The following DDIT4L variants were observed in gnomAD, a reference collection of about 807,000 sequenced individuals.
DDIT4L encodes the protein DNA damage inducible transcript 4 like.
In DDIT4L, 13 loss-of-function variants were observed where a neutral mutation model predicts 15.9. That is an observed-to-expected ratio of 0.82 (90% confidence interval 0.53 to 1.30). The LOEUF (loss-of-function observed/expected upper bound fraction) is 1.30, where lower values mean the gene tolerates loss of function less well. DDIT4L is among the 50% of genes most tolerant of loss of function. The pLI is 0.00. For missense variants in DDIT4L, 235 were observed against 224.8 expected (o/e 1.05, Z -0.29); for synonymous variants, 82 against 85.4 (o/e 0.96, Z 0.22).
chr4:100,189,594 T>C (rs1274745407), intron 2 of DDIT4L, among the ~76,000 whole-genome samples: 1 of 152,160 alleles, frequency 6.6e-6, no homozygotes, highest in East Asian at 1.9e-4. Flanking sequence ...ACAGGGTAAA[T>C]ACATTTGCTA....
chr4:100,188,230 A>C, intron 2 of DDIT4L, 63 bp from the exon 3 acceptor site: 2 of 1,498,488 alleles, frequency 1.3e-6, no homozygotes, highest in Non-Finnish European at 1.8e-6. Flanking sequence ...GAAAAAAAAC[A>C]CCAAGATATC....
rs1377644598 is a variant in DDIT4L at position 100,187,744 on chromosome 4, G to T, written c.515C>A (p.Ser172Ter). The T allele has an allele frequency of 6.2e-7, 1 of 1,612,134 alleles. No homozygotes were observed. The highest frequency in any genetic ancestry group is 1.7e-5 in the Admixed American group (1 of 59,450). Residue 172 changes from serine to a stop codon, truncating the protein, a stop_gained, in exon 3 of 3, where the codon TCA (serine) becomes TAA (stop). Coordinates refer to ENST00000273990, the MANE Select transcript of DDIT4L (RefSeq NM_145244.4). LOFTEE classifies it high-confidence loss of function. Reference sequence around the variant, plus strand: ...TTTTTTCTTAACAAGTCGAAATCCTGAGCTGAGGATCAGAGTTCTCCTGAA... The same window carrying T: ...TTTTTTCTTAACAAGTCGAAATCCTTAGCTGAGGATCAGAGTTCTCCTGAA... Reference protein sequence around the residue: ...SGFRRTLILSSGFRLVKKKLY... With the variant: ...SGFRRTLILS
chr4:100,188,248 G>T (rs1723456969), intron 2 of DDIT4L, 81 bp from the exon 3 acceptor site: 3 of 1,416,412 alleles, frequency 2.1e-6, no homozygotes, highest in Non-Finnish European at 2.9e-6. Context: ...ATCAACATTG[G>T]TTACCTCTAT....
chr4:100,188,884 A>C (rs1473482248), intron 2 of DDIT4L, among the ~76,000 whole-genome samples: 1 of 152,246 alleles, frequency 6.6e-6, no homozygotes, highest in East Asian at 1.9e-4. Flanking sequence ...AGCAAAACAA[A>C]ATAGTCCTAG....
rs1403449083 is a variant in DDIT4L at position 100,189,896 on chromosome 4, T to C, written c.88A>G (p.Ser30Gly). ...DCGYHPESLL[S>G]DFDYWDYVVP... is the part of the protein sequence containing the mutation. ...GGTGGACAGCGGGGACACTCACCAC[T>C]TAGCAGGCTCTCTGGGTGATAGCCA... Residue 30 changes from serine (S) to glycine (G), a missense_variant, in exon 2 of 3, where the codon AGT becomes GGT. Transcript: ENST00000273990. 6.2e-7 allele frequency: 1 copy of C among 1,614,036 alleles called. No homozygotes were observed. Among genetic ancestry groups the C allele is most frequent in the Admixed American group, 1.7e-5 (1 of 59,998 alleles).
At chr4:100,189,005 T>A (rs946753732) in intron 2 of DDIT4L, among the ~76,000 whole-genome samples, 1 of 152,220 alleles carries the variant, frequency 6.6e-6, no homozygotes, top group African/African-American at 2.4e-5. Flanking sequence ...CGGAGTCAAA[T>A]GAACAAGGTG....
At chr4:100,188,654 G>A (rs1723463673) in intron 2 of DDIT4L, among the ~76,000 whole-genome samples, 2 of 152,128 alleles carry the variant, frequency 1.3e-5, no homozygotes, top group African/African-American at 4.8e-5. Context: ...AGGAATACAT[G>A]TATTGTAAAA....
intron 2 of DDIT4L, 118 bp from the exon 3 acceptor site, chr4:100,188,285 T>C (rs1048144201): frequency 8.8e-7 from 1 of 1,135,336 alleles, no homozygotes; most frequent in Non-Finnish European, 1.2e-6. Flanking sequence ...TTTCTTGTAT[T>C]TGTTTCAGAG....
rs1449453987 is a variant in DDIT4L, at chr4:100,187,132, C to T, written c.*545G>A. The T allele has an allele frequency of 6.6e-6, 1 of 152,132 alleles. No homozygotes were observed. Among genetic ancestry groups the T allele is most frequent in the Non-Finnish European group, 1.5e-5 (1 of 68,056 alleles). 9.4% of individuals were successfully genotyped at this position (152,132 alleles called of 1,614,324 possible). A position where few individuals can be genotyped will look rare whatever the true frequency, so the allele number is the denominator to read the frequency against. On this transcript the variant is annotated 3_prime_UTR_variant, in exon 3 of 3. Coordinates refer to ENST00000273990, the MANE Select transcript of DDIT4L (RefSeq NM_145244.4). ...CCGTAATATTTCTCATTTACTCTTA[C>T]CTAGGGTTAAGCTTTAATTAAACTC... is the stretch of plus-strand genomic sequence containing the variant.
intron 2 of DDIT4L, 56 bp downstream of exon 2, chr4:100,189,837 A>G: frequency 6.4e-7 from 1 of 1,551,736 alleles, no homozygotes. Flanking sequence ...CCCACCCAAT[A>G]GATCCAGAGG....
rs774012796 is a variant in DDIT4L at position 100,187,747 on chromosome 4, C to CTGAG, written c.508_511dup (p.Ser171ThrfsTer9). ...TTTCTTAACAAGTCGAAATCCTGAG[C>CTGAG]TGAGGATCAGAGTTCTCCTGAAACC... On this transcript the variant is annotated frameshift_variant, in exon 3 of 3. Coordinates refer to ENST00000273990, the MANE Select transcript of DDIT4L (RefSeq NM_145244.4). LOFTEE classifies it high-confidence loss of function. 3.5e-5 allele frequency: 57 copies of CTGAG among 1,612,176 alleles called. No individual in the cohort carries two copies. The highest frequency in any genetic ancestry group is 4.7e-5 in the Non-Finnish European group (55 of 1,179,624).
rs1301923126 is a variant in DDIT4L at position 100,185,988 on chromosome 4, G to A, written c.*1689C>T. On this transcript the variant is annotated 3_prime_UTR_variant, in exon 3 of 3. Coordinates refer to ENST00000273990, the MANE Select transcript of DDIT4L (RefSeq NM_145244.4). ...CATTTTGTAAGCATAACAGGCAAGA[G>A]AGTCAAAGATAACTGTTAGTGGGAA... is the stretch of plus-strand genomic sequence containing the variant. 6.6e-6 allele frequency: 1 copy of A among 152,198 alleles called. No homozygotes were observed. Among genetic ancestry groups the A allele is most frequent in the Admixed American group, 6.5e-5 (1 of 15,270 alleles). The allele number at this position is 152,198 out of a possible 1,614,324, so 9.4% of individuals were successfully genotyped here.
intron 1 of DDIT4L, 110 bp downstream of exon 1, chr4:100,190,193 C>A: frequency 1.8e-6 from 1 of 553,028 alleles, no homozygotes; most frequent in Non-Finnish European, 3.2e-6. Flanking sequence ...GCCCTGGGAG[C>A]GGAGCCGCAA....
Position 100,188,163 on chromosome 4 carries a change from A to AAAATCTGT in DDIT4L, c.92-4_95dup (p.Phe32LeufsTer19), listed in dbSNP as rs762140862. On this transcript the variant is annotated frameshift_variant, in exon 3 of 3. Transcript: ENST00000273990. LOFTEE classifies it high-confidence loss of function. ...CAGGAACAACATAATCCCAGTAGTCAAAATCTGTAAGAAATGGAGTTTTCT... is the reference window on the plus strand; with the variant it reads ...CAGGAACAACATAATCCCAGTAGTCAAAATCTGTAAATCTGTAAGAAATGGAGTTTTCT... 1.6e-5 allele frequency: 25 copies of AAAATCTGT among 1,592,162 alleles called. No homozygotes were observed. Among genetic ancestry groups the AAAATCTGT allele is most frequent in the Non-Finnish European group, 2.1e-5 (25 of 1,176,322 alleles).
rs368682316 is a variant in DDIT4L at position 100,187,932 on chromosome 4, G to A, written c.327C>T (p.His109=). 31 of 1,613,892 alleles carry A rather than the reference G, an allele frequency of 1.9e-5. No homozygotes were observed. Among genetic ancestry groups the A allele is most frequent in the Non-Finnish European group, 2.3e-5 (27 of 1,180,026 alleles). ...ATACATTTTCAATTTCCAAGTTCAC[G>A]TGCATAACACAACCTCGCAAGCCGC... ...EPCGLRGCVM[H]VNLEIENVCK... is the part of the protein sequence containing the mutation. Residue 109 remains histidine (H), a synonymous_variant, in exon 3 of 3, where the codon CAC becomes CAT. Coordinates refer to ENST00000273990, the MANE Select transcript of DDIT4L (RefSeq NM_145244.4).
At position 100,186,878 on chromosome 4, in the gene DDIT4L, A is replaced by C. The variant is rs1251928067; in HGVS notation, c.*799T>G. On this transcript the variant is annotated 3_prime_UTR_variant, in exon 3 of 3. Coordinates refer to ENST00000273990, the MANE Select transcript of DDIT4L (RefSeq NM_145244.4). Reference sequence around the variant, plus strand: ...TTTCCTATCCTCACAGGTATTCATCATTCACTCAATGGAAGAGTAATCAAC... The same window carrying C: ...TTTCCTATCCTCACAGGTATTCATCCTTCACTCAATGGAAGAGTAATCAAC... 1.3e-5 allele frequency: 2 copies of C among 152,248 alleles called. No individual in the cohort carries two copies. The highest frequency in any genetic ancestry group is 4.8e-5 in the African/African-American group (2 of 41,466). 9.4% of individuals were successfully genotyped at this position (152,248 alleles called of 1,614,324 possible). A position where few individuals can be genotyped will look rare whatever the true frequency, so the allele number is the denominator to read the frequency against.
Position 100,186,213 on chromosome 4 carries a change from A to G in DDIT4L, c.*1464T>C, listed in dbSNP as rs1229658683. 2.0e-5 allele frequency: 3 copies of G among 152,220 alleles called. No homozygotes were observed. The highest frequency in any genetic ancestry group is 2.9e-5 in the Non-Finnish European group (2 of 68,034). 9.4% of individuals were successfully genotyped at this position (152,220 alleles called of 1,614,324 possible). On this transcript the variant is annotated 3_prime_UTR_variant, in exon 3 of 3. Transcript: ENST00000273990. ...CATTTGAAGAGTTTAGTTTGTTAGA[A>G]CACTGGCTAATTTGAACAGTGACAT... is the stretch of plus-strand genomic sequence containing the variant.
rs1219136469 is a variant in DDIT4L at position 100,187,908 on chromosome 4, T to C, written c.351A>G (p.Val117=). Residue 117 remains valine (V), a synonymous_variant, in exon 3 of 3, where the codon GTA becomes GTG. Transcript: ENST00000273990. ...ACACAATCCTATCCAGCTTTTTACATACATTTTCAATTTCCAAGTTCACGT... is the reference window on the plus strand; with the variant it reads ...ACACAATCCTATCCAGCTTTTTACACACATTTTCAATTTCCAAGTTCACGT... ...VMHVNLEIEN[V]CKKLDRIVCD... 6.2e-7 allele frequency: 1 copy of C among 1,614,026 alleles called. No individual in the cohort carries two copies. The highest frequency in any genetic ancestry group is 8.5e-7 in the Non-Finnish European group (1 of 1,180,032).
Position 100,187,946 on chromosome 4 carries a change from C to T in DDIT4L, c.313G>A (p.Gly105Ser). 1 of 1,614,124 alleles carries T rather than the reference C, an allele frequency of 6.2e-7. No individual in the cohort carries two copies. The highest frequency in any genetic ancestry group is 8.5e-7 in the Non-Finnish European group (1 of 1,180,040). ...TCCAAGTTCACGTGCATAACACAAC[C>T]TCGCAAGCCGCAGGGCTCCGTTGAG... ...LSSTEPCGLRGCVMHVNLEIE... is the reference protein window; with the variant it reads ...LSSTEPCGLRSCVMHVNLEIE... Residue 105 changes from glycine (G) to serine (S), a missense_variant, in exon 3 of 3, where the codon GGT becomes AGT. By Grantham distance (56) the Gly-to-Ser change is moderately conservative (BLOSUM62 0). Transcript: ENST00000273990.
Sources: gnomAD v4.1 joint callset for allele counts (sites outside exome capture counted in the v4.1 genomes callset) on GRCh38, gnomAD v4.1.1 for gene constraint, MANE v1.5 for transcripts, NCBI Gene and HGNC (gene_info 2026-07-23, HGNC 2026-07-21) for gene names.